Variants in ATF2 observed in about 807,000 individuals in gnomAD.
ATF2 encodes the protein cyclic AMP-dependent transcription factor ATF-2.
In ATF2, 24 loss-of-function variants were observed where a neutral mutation model predicts 60.6. That is an observed-to-expected ratio of 0.40 (90% CI 0.29 to 0.56). The LOEUF (loss-of-function observed/expected upper bound fraction) is 0.56, where lower values mean the gene tolerates loss of function less well. Ranked by LOEUF, ATF2 falls within the 20% of genes least tolerant of loss-of-function variation. ATF2 has a pLI of 0.54. For synonymous variants in ATF2, 206 were observed against 215.4 expected, an observed-to-expected ratio of 0.96 and a Z score of 0.38; for missense variants, 433 against 607.7, an observed-to-expected ratio of 0.71 and a Z score of 3.02.
chr2:175,084,090 C>A (rs979217196), intron 12 of ATF2, among the ~76,000 whole-genome samples: 1 of 152,118 alleles, frequency 6.6e-6, no homozygotes, highest in Admixed American at 6.5e-5. Context: ...TGTGGCGATT[C>A]CTCAGGGATC....
intron 2 of ATF2, among the ~76,000 whole-genome samples, chr2:175,139,257 A>G (rs1356557320): frequency 6.6e-6 from 1 of 152,208 alleles, no homozygotes; most frequent in Non-Finnish European, 1.5e-5. Context: ...TATCAGTTGG[A>G]TACATTTTAA....
intron 10 of ATF2, among the ~76,000 whole-genome samples, chr2:175,110,689 C>T (rs141604136): frequency 5.0e-4 from 76 of 152,244 alleles, no homozygotes; most frequent in African/African-American, 1.7e-3. Context: ...ACTGCAACCT[C>T]GGCCTCCCGG....
intron 2 of ATF2, among the ~76,000 whole-genome samples, chr2:175,141,033 A>ATG (rs1698494994): frequency 1.1e-5 from 1 of 88,110 alleles, no homozygotes; most frequent in African/African-American, 4.2e-5. Flanking sequence ...AAAAAAAAAT[A>ATG]TATATATATA....
At chr2:175,118,536 T>C (rs757124557) in intron 5 of ATF2, among the ~76,000 whole-genome samples, 167 bp from the exon 6 acceptor site, 9 of 151,826 alleles carry the variant, frequency 5.9e-5, no homozygotes, top group Non-Finnish European at 1.2e-4. Context: ...ATTTTTGTTG[T>C]ACTTCGTATT....
At chr2:175,161,234 T>C (rs550058915) in intron 1 of ATF2, among the ~76,000 whole-genome samples, 1 of 152,314 alleles carries the variant, frequency 6.6e-6, no homozygotes, top group African/African-American at 2.4e-5. Flanking sequence ...CCACAAATTA[T>C]AAATTCTTAG....
chr2:175,102,945 T>C (rs1695404854), intron 10 of ATF2, among the ~76,000 whole-genome samples: 1 of 152,226 alleles, frequency 6.6e-6, no homozygotes, highest in South Asian at 2.1e-4. Flanking sequence ...GTTCAACTAC[T>C]ATACTGAAAA....
chr2:175,152,118 C>T (rs1256343003), intron 1 of ATF2, among the ~76,000 whole-genome samples: 1 of 152,110 alleles, frequency 6.6e-6, no homozygotes, highest in Non-Finnish European at 1.5e-5. Flanking sequence ...TATTGGCAGA[C>T]AATTAGTTGT....
intron 1 of ATF2, among the ~76,000 whole-genome samples, chr2:175,155,932 G>C (rs780532252): frequency 9.9e-5 from 15 of 152,064 alleles, no homozygotes; most frequent in Non-Finnish European, 2.1e-4. Flanking sequence ...AATGTACAAG[G>C]GTAGAGAATT....
intron 5 of ATF2, among the ~76,000 whole-genome samples, chr2:175,119,151 A>C (rs1440420035): frequency 6.6e-6 from 1 of 151,704 alleles, no homozygotes; most frequent in East Asian, 1.9e-4. Flanking sequence ...AAAAAATGCC[A>C]GGTAAGATTT....
chr2:175,109,545 A>G (rs1386142369), intron 10 of ATF2, among the ~76,000 whole-genome samples: 4 of 152,224 alleles, frequency 2.6e-5, no homozygotes, highest in Admixed American at 6.5e-5. Flanking sequence ...GTAAAGTTTA[A>G]CAGTTTCTAA....
At chr2:175,136,630 A>G in intron 2 of ATF2, 144 bp from the exon 3 acceptor site, 1 of 588,974 alleles carries the variant, frequency 1.7e-6, no homozygotes, top group South Asian at 2.1e-5. Context: ...ATAATAGAGT[A>G]CTGCTCTTGA....
chr2:175,159,179 G>A (rs1699865025), intron 1 of ATF2, among the ~76,000 whole-genome samples: 1 of 151,980 alleles, frequency 6.6e-6, no homozygotes, highest in African/African-American at 2.4e-5. Flanking sequence ...AATCAGCGGG[G>A]CGTGGTGGCG....
chr2:175,152,490 C>G (rs1412244554), intron 1 of ATF2, among the ~76,000 whole-genome samples: 1 of 152,082 alleles, frequency 6.6e-6, no homozygotes, highest in Admixed American at 6.5e-5. Flanking sequence ...GCTCAGTTAC[C>G]AACCGCATTA....
intron 12 of ATF2, among the ~76,000 whole-genome samples, chr2:175,081,304 T>C (rs971409328): frequency 6.6e-6 from 1 of 152,158 alleles, no homozygotes; most frequent in Non-Finnish European, 1.5e-5. Context: ...CTGAAACCAA[T>C]GAAACTAGAT....
intron 7 of ATF2, 59 bp from the exon 8 acceptor site, chr2:175,114,927 T>C: frequency 6.5e-7 from 1 of 1,535,566 alleles, no homozygotes. Context: ...TGTACCTTAG[T>C]GAACAGAATG....
chr2:175,163,532 G>T lies in ATF2; in HGVS notation c.-143+4518C>A, dbSNP rs114658587. Among the ~76,000 whole-genome samples, 789 of 152,082 alleles carry T rather than the reference G, an allele frequency of 5.2e-3. 5 individuals are homozygous for T. Among genetic ancestry groups the T allele is most frequent in the African/African-American group, 0.018 (742 of 41,486 alleles). On this transcript the variant is annotated intron_variant, in intron 1 of 13. Transcript: ENST00000264110. ...AAAGTGGCTGAGAACCACTATCTTT[G>T]TTAAGATACAGAATGCAAATATGGG...
chr2:175,143,112 A>G (rs1458641502), intron 2 of ATF2, among the ~76,000 whole-genome samples: 2 of 152,196 alleles, frequency 1.3e-5, no homozygotes, highest in Non-Finnish European at 2.9e-5. Flanking sequence ...CATTATAAGG[A>G]ACTTTAAATC....
rs1001885038 is a variant in ATF2, at chr2:175,073,543, C to G, written c.*1066G>C. On this transcript the variant is annotated 3_prime_UTR_variant, in exon 14 of 14. Coordinates refer to ENST00000264110, the MANE Select transcript of ATF2 (RefSeq NM_001880.4). ...CTTCCCACATTATAATTACATTGTTCTAAAGATAGATACTGATTTTTTTTT... is the reference window on the plus strand; with the variant it reads ...CTTCCCACATTATAATTACATTGTTGTAAAGATAGATACTGATTTTTTTTT... The G allele has an allele frequency of 1.3e-5, 2 of 151,898 alleles. No individual in the cohort carries two copies. The highest frequency in any genetic ancestry group is 4.8e-5 in the African/African-American group (2 of 41,358). 9.4% of individuals were successfully genotyped at this position (151,898 alleles called of 1,614,324 possible).
In ATF2 at chr2:175,136,050, G is replaced by A. The variant is rs1336149880; in HGVS notation, c.32+362C>T. Among the ~76,000 whole-genome samples, 7 of 136,916 alleles carry A rather than the reference G, an allele frequency of 5.1e-5. No individual in the cohort carries two copies. The Admixed American group carries it at 5.6e-4, about 11-fold the overall frequency. 89.8% of individuals were successfully genotyped at this position (136,916 alleles called of 152,430 possible). A position where few individuals can be genotyped will look rare whatever the true frequency, so the allele number is the denominator to read the frequency against. ...TTTTTTTTTGGCAGGACTCTTCACA[G>A]TCTTTAATATGCTAATGTAAAATGA... On this transcript the variant is annotated intron_variant, in intron 3 of 13. Coordinates refer to ENST00000264110, the MANE Select transcript of ATF2 (RefSeq NM_001880.4).
Sources: allele counts gnomAD v4.1 joint callset (sites outside exome capture counted in the v4.1 genomes callset), GRCh38; gene constraint gnomAD v4.1.1; transcripts MANE v1.5; gene names NCBI Gene and HGNC (gene_info 2026-07-23, HGNC 2026-07-21).